The following NARS2 variants were observed in gnomAD, a reference collection of about 807,000 sequenced individuals.
NARS2 encodes asparaginyl-tRNA synthetase.
NARS2 carries 60 observed loss-of-function variants against 62.9 expected under a neutral mutation model. The ratio of observed to expected loss-of-function variants is 0.95; its 90% confidence interval spans 0.77 to 1.18. The LOEUF (loss-of-function observed/expected upper bound fraction) is 1.18. NARS2 is among the 50% of genes most tolerant of loss of function. NARS2 has a pLI of 0.00. For synonymous variants in NARS2, 196 were observed against 200.0 expected (o/e 0.98, Z 0.17); for missense variants, 619 against 576.4 (o/e 1.07, Z -0.76).
At chr11:78,462,725 T>C (rs921890596) in intron 11 of NARS2, among the ~76,000 whole-genome samples, 1 of 152,144 alleles carries the variant, frequency 6.6e-6, no homozygotes, top group Non-Finnish European at 1.5e-5. Flanking sequence ...GATTTAGAGA[T>C]GAGATGGTAG....
At chr11:78,533,928 G>A (rs1161329065) in intron 5 of NARS2, among the ~76,000 whole-genome samples, 2 of 152,016 alleles carry the variant, frequency 1.3e-5, no homozygotes, top group African/African-American at 2.4e-5. Flanking sequence ...TGGTCTCTTT[G>A]ACTTAGTAAT....
intron 5 of NARS2, among the ~76,000 whole-genome samples, chr11:78,540,975 A>C (rs1855593173): frequency 6.6e-6 from 1 of 152,220 alleles, no homozygotes; most frequent in Non-Finnish European, 1.5e-5. Flanking sequence ...CCTGGTCAAC[A>C]TGGTGAAACC....
intron 6 of NARS2, among the ~76,000 whole-genome samples, chr11:78,516,538 G>T (rs1207522062): frequency 6.6e-6 from 1 of 152,138 alleles, no homozygotes; most frequent in Non-Finnish European, 1.5e-5. Context: ...TGCTCATCTT[G>T]CTCATCAGAC....
chr11:78,529,510 T>A (rs540323021), intron 5 of NARS2, among the ~76,000 whole-genome samples: 12 of 152,222 alleles, frequency 7.9e-5, no homozygotes. Flanking sequence ...AAAACCTTTA[T>A]GAACTTACAA....
intron 5 of NARS2, among the ~76,000 whole-genome samples, chr11:78,531,920 G>A (rs1228300617): frequency 6.6e-6 from 1 of 152,078 alleles, no homozygotes; most frequent in African/African-American, 2.4e-5. Flanking sequence ...GTTTTCTTCT[G>A]GGGTGGTAAA....
chr11:78,458,950 G>A (rs541250193), intron 11 of NARS2, among the ~76,000 whole-genome samples: 2 of 150,616 alleles, frequency 1.3e-5, no homozygotes, highest in East Asian at 2.0e-4. Context: ...ATGGAGTCTC[G>A]CTCTGTTGCC....
intron 10 of NARS2, among the ~76,000 whole-genome samples, chr11:78,467,014 A>C (rs1858650477): frequency 6.6e-6 from 1 of 152,234 alleles, no homozygotes; most frequent in Admixed American, 6.5e-5. Context: ...TTGATCATAA[A>C]TATAACAAAC....
At chr11:78,556,900 T>C (rs943044435) in intron 5 of NARS2, among the ~76,000 whole-genome samples, 1 of 152,202 alleles carries the variant, frequency 6.6e-6, no homozygotes, top group Non-Finnish European at 1.5e-5. Flanking sequence ...CAACAGTGAA[T>C]GAAAAGCATG....
rs891436051 is a variant in NARS2 at position 78,493,674 on chromosome 11, C to CA, written c.690-480dup. ...CTGTCTCAATAAATGAACAAACAAA[C>CA]AAAAAAAAAAAAGAAAAAAAAAAGT... On this transcript the variant is annotated intron_variant, in intron 6 of 13. Coordinates refer to ENST00000281038, the MANE Select transcript of NARS2 (RefSeq NM_024678.6). Among the ~76,000 whole-genome samples, 392 of 102,722 alleles carry CA rather than the reference C, an allele frequency of 3.8e-3. 2 individuals carry two copies. Among genetic ancestry groups the CA allele is most frequent in the South Asian group, 0.016 (55 of 3,392 alleles). 67.4% of individuals were successfully genotyped at this position (102,722 alleles called of 152,430 possible).
At chr11:78,560,569 A>G (rs1237469626) in intron 4 of NARS2, among the ~76,000 whole-genome samples, 1 of 152,262 alleles carries the variant, frequency 6.6e-6, no homozygotes, top group African/African-American at 2.4e-5. Flanking sequence ...AAATTCTTAA[A>G]TACATATCTC....
chr11:78,485,650 C>G (rs539816238), intron 7 of NARS2, among the ~76,000 whole-genome samples: 1 of 152,128 alleles, frequency 6.6e-6, no homozygotes, highest in Non-Finnish European at 1.5e-5. Context: ...CTGGTAAAGT[C>G]CCTGTAGGAT....
At chr11:78,457,791 T>C (rs1470350094) in intron 11 of NARS2, among the ~76,000 whole-genome samples, 2 of 139,518 alleles carry the variant, frequency 1.4e-5, no homozygotes, top group African/African-American at 6.0e-5. Context: ...TATGTTATTA[T>C]GTAACAACAC....
At chr11:78,562,153 C>A (rs950971884) in intron 4 of NARS2, among the ~76,000 whole-genome samples, 4 of 152,168 alleles carry the variant, frequency 2.6e-5, no homozygotes. Context: ...TAGGCTGGGG[C>A]ACAGTGGCTC....
chr11:78,493,275 G>C (rs752444067), intron 6 of NARS2, 80 bp from the exon 7 acceptor site: 2 of 1,396,276 alleles, frequency 1.4e-6, no homozygotes, highest in African/African-American at 2.9e-5. Flanking sequence ...GAGCTCTTAC[G>C]GAAAATAAAG....
intron 6 of NARS2, among the ~76,000 whole-genome samples, chr11:78,509,499 CTGTT>C (rs772184336): frequency 4.6e-5 from 7 of 152,036 alleles, no homozygotes; most frequent in South Asian, 4.2e-4. Context: ...TATAACTGCT[CTGTT>C]TGTTTTCTAA....
intron 4 of NARS2, among the ~76,000 whole-genome samples, chr11:78,562,203 T>A (rs1856580214): frequency 6.6e-6 from 1 of 152,174 alleles, no homozygotes; most frequent in African/African-American, 2.4e-5. Flanking sequence ...CAGGCAGGAT[T>A]GCTTGGGCCT....
At chr11:78,541,047 T>A (rs1222023016) in intron 5 of NARS2, among the ~76,000 whole-genome samples, 2 of 152,058 alleles carry the variant, frequency 1.3e-5, no homozygotes, top group Admixed American at 1.3e-4. Flanking sequence ...TATTCCCAGC[T>A]ACTTGGGAGG....
chr11:78,523,331 G>C (rs1861193714), intron 6 of NARS2, among the ~76,000 whole-genome samples: 2 of 152,194 alleles, frequency 1.3e-5, no homozygotes, highest in African/African-American at 4.8e-5. Flanking sequence ...CATTTGCAAG[G>C]ATGTGGAGAA....
intron 11 of NARS2, 148 bp downstream of exon 11, chr11:78,465,728 T>A (rs1265538521): frequency 4.7e-6 from 4 of 853,658 alleles, no homozygotes; most frequent in Non-Finnish European, 7.1e-6. Flanking sequence ...GGATCTTCTT[T>A]GGGAAAAATT....
Sources: gnomAD v4.1 joint callset for allele counts (sites outside exome capture counted in the v4.1 genomes callset) on GRCh38, gnomAD v4.1.1 for gene constraint, MANE v1.5 for transcripts, NCBI Gene and HGNC (gene_info 2026-07-23, HGNC 2026-07-21) for gene names.